Variants in NRXN3 observed in about 807,000 individuals in gnomAD.
NRXN3 encodes the protein neurexin 3.
NRXN3 carries 32 observed loss-of-function variants against 137.6 expected under a neutral mutation model. The ratio of observed to expected loss-of-function variants is 0.23; its 90% CI spans 0.18 to 0.31. NRXN3 has a LOEUF of 0.31. Ranked by LOEUF, NRXN3 falls within the 10% of genes least tolerant of loss-of-function variation. The probability of loss-of-function intolerance (pLI) is 1.00; values close to 1 mark genes in which losing one functional copy is unlikely to be tolerated. For missense variants in NRXN3, 1,574 were observed against 2,062.5 expected (o/e 0.76, Z 4.59); for synonymous variants, 798 against 784.5 (o/e 1.02, Z -0.29).
intron 2 of NRXN3, among the ~76,000 whole-genome samples, chr14:78,252,850 T>C (rs952754419): frequency 6.6e-6 from 1 of 152,248 alleles, no homozygotes; most frequent in Non-Finnish European, 1.5e-5. Flanking sequence ...AGTACCCACT[T>C]GCGAGGAGGG....
rs531006087 is a variant in NRXN3 at position 78,585,511 on chromosome 14, A to T, written c.758-59609A>T. Among the ~76,000 whole-genome samples, 3 of 152,282 alleles carry T rather than the reference A, an allele frequency of 2.0e-5. 1 individual carries two copies. Among genetic ancestry groups the T allele is most frequent in the Non-Finnish European group, 4.4e-5 (3 of 68,010 alleles). On this transcript the variant is annotated intron_variant, in intron 4 of 20. Transcript: ENST00000335750. ...GCGGAGTGTGGATAGAAATTTAGGG[A>T]CAAGGGAGGGTGGAGGGAGACTAGT... is the stretch of plus-strand genomic sequence containing the variant.
chr14:78,419,340 C>T lies in NRXN3; in HGVS notation c.757+121480C>T, dbSNP rs141844857. Among the ~76,000 whole-genome samples the T allele has an allele frequency of 6.9e-3, 1,047 of 152,186 alleles. 11 individuals carry two copies. The highest frequency in any genetic ancestry group is 0.024 in the African/African-American group (980 of 41,516). ...TACAACTCTGCCTCTCAGGCCCAAGCGATTCTCCTGCCTCAGCCTCCTGAG... is the reference window on the plus strand; with the variant it reads ...TACAACTCTGCCTCTCAGGCCCAAGTGATTCTCCTGCCTCAGCCTCCTGAG... On this transcript the variant is annotated intron_variant, in intron 4 of 20. Coordinates refer to ENST00000335750, the MANE Select transcript of NRXN3 (RefSeq NM_001330195.2).
chr14:78,332,322 T>C (rs1170264144), intron 4 of NRXN3, among the ~76,000 whole-genome samples: 45 of 143,274 alleles, frequency 3.1e-4, no homozygotes, highest in Admixed American at 9.0e-4. Flanking sequence ...CTTCTTCTTT[T>C]TTTTTTTTTT....
intron 6 of NRXN3, among the ~76,000 whole-genome samples, chr14:78,690,912 A>T (rs1305896126): frequency 6.6e-6 from 1 of 152,198 alleles, no homozygotes; most frequent in Non-Finnish European, 1.5e-5. Flanking sequence ...CTAGAAGTAA[A>T]GATGTGTTAG....
At chr14:79,627,998 A>G (rs1329536469) in intron 16 of NRXN3, among the ~76,000 whole-genome samples, 1 of 152,206 alleles carries the variant, frequency 6.6e-6, no homozygotes, top group Non-Finnish European at 1.5e-5. Context: ...ACTATATTAG[A>G]AAATAAAAGA....
At chr14:78,318,648 G>A (rs1192199161) in intron 4 of NRXN3, among the ~76,000 whole-genome samples, 5 of 152,038 alleles carry the variant, frequency 3.3e-5, no homozygotes, top group South Asian at 2.1e-4. Flanking sequence ...ATGTCACTGC[G>A]GGTGTTAGCT....
chr14:79,842,030 T>G (rs966469288), intron 20 of NRXN3, among the ~76,000 whole-genome samples: 4 of 152,214 alleles, frequency 2.6e-5, no homozygotes, highest in Non-Finnish European at 4.4e-5. Context: ...TATAGAGGAC[T>G]GCAAGAAAAA....
intron 15 of NRXN3, among the ~76,000 whole-genome samples, chr14:79,149,997 C>T (rs562582213): frequency 2.0e-5 from 3 of 152,098 alleles, no homozygotes; most frequent in South Asian, 2.1e-4. Context: ...GCACATGTAC[C>T]GTGGAACTTA....
chr14:78,977,526 T>C (rs141986190), intron 14 of NRXN3, among the ~76,000 whole-genome samples: 2,367 of 152,196 alleles, frequency 0.016, 30 homozygotes, highest in Non-Finnish European at 0.022. Flanking sequence ...TTATGAGGGA[T>C]TGTGTATCAC....
intron 15 of NRXN3, among the ~76,000 whole-genome samples, chr14:79,375,843 A>C (rs1374391764): frequency 6.6e-6 from 1 of 151,968 alleles, no homozygotes; most frequent in Non-Finnish European, 1.5e-5. Context: ...CTTGGTTGAG[A>C]TGAAATTTGA....
At chr14:79,812,743 CCA>C (rs779748344) in intron 20 of NRXN3, among the ~76,000 whole-genome samples, 4 of 152,148 alleles carry the variant, frequency 2.6e-5, no homozygotes, top group South Asian at 4.2e-4. Context: ...TGGTCAAAGG[CCA>C]CACCGTTTTT....
intron 15 of NRXN3, among the ~76,000 whole-genome samples, chr14:79,116,361 TG>T (rs1226471791): frequency 6.6e-6 from 1 of 152,196 alleles, no homozygotes; most frequent in Non-Finnish European, 1.5e-5. Context: ...AACTCTCTCC[TG>T]CATGCCCTTT....
chr14:78,953,841 C>A (rs936468370), intron 10 of NRXN3, among the ~76,000 whole-genome samples: 2 of 152,136 alleles, frequency 1.3e-5, no homozygotes, highest in Non-Finnish European at 2.9e-5. Flanking sequence ...TACCCAGTTG[C>A]AGATCATAAC....
chr14:79,594,008 G>GA (rs1369996723), intron 16 of NRXN3, among the ~76,000 whole-genome samples: 1 of 151,506 alleles, frequency 6.6e-6, no homozygotes, highest in African/African-American at 2.4e-5. Context: ...TCCTTTTTTT[G>GA]AAAAAAAGCT....
intron 16 of NRXN3, among the ~76,000 whole-genome samples, chr14:79,662,416 G>A (rs1255653448): frequency 6.6e-6 from 1 of 152,072 alleles, no homozygotes; most frequent in East Asian, 1.9e-4. Context: ...GTGACTACTA[G>A]TTCCAACTTT....
intron 20 of NRXN3, chr14:79,853,725 C>T (rs1414296963): frequency 8.7e-7 from 1 of 1,152,426 alleles, no homozygotes; most frequent in Non-Finnish European, 1.1e-6. Context: ...TATGTGCTGT[C>T]ATCCATCTCC....
intron 4 of NRXN3, among the ~76,000 whole-genome samples, chr14:78,311,592 G>A (rs963810775): frequency 6.6e-6 from 1 of 152,200 alleles, no homozygotes; most frequent in African/African-American, 2.4e-5. Flanking sequence ...TGTATTTCAT[G>A]TGTGGCCTAA....
chr14:79,578,911 C>T (rs1222181634), intron 16 of NRXN3, among the ~76,000 whole-genome samples: 1 of 152,060 alleles, frequency 6.6e-6, no homozygotes, highest in African/African-American at 2.4e-5. Context: ...GTAAGTAAAT[C>T]GTGTTTTAAC....
chr14:79,469,753 T>G (rs1461931550), intron 16 of NRXN3, among the ~76,000 whole-genome samples: 6 of 152,198 alleles, frequency 3.9e-5, no homozygotes, highest in Non-Finnish European at 7.3e-5. Context: ...ATCTGTGTGA[T>G]TCTAGAGTGA....
Sources: allele counts gnomAD v4.1 joint callset (sites outside exome capture counted in the v4.1 genomes callset), GRCh38; gene constraint gnomAD v4.1.1; transcripts MANE v1.5; gene names NCBI Gene and HGNC (gene_info 2026-07-23, HGNC 2026-07-21).